Variants in RALYL observed in about 807,000 individuals in gnomAD.
RALYL encodes the protein RALY RNA binding protein like, also known as RNA-binding Raly-like protein.
In RALYL, 29 loss-of-function variants were observed where a neutral mutation model predicts 35.1. The ratio of observed to expected loss-of-function variants is 0.83; its 90% CI spans 0.61 to 1.13. The LOEUF is 1.13. Among genes scored for constraint, RALYL ranks in the 50% most tolerant of loss-of-function variants. RALYL has a pLI of 0.00. For missense variants in RALYL, 359 were observed against 360.4 expected (o/e 1.00, Z 0.03); for synonymous variants, 120 against 127.6 (o/e 0.94, Z 0.40).
intron 1 of RALYL, among the ~76,000 whole-genome samples, chr8:84,386,306 A>T (rs1859184006): frequency 6.6e-6 from 1 of 151,860 alleles, no homozygotes; most frequent in Non-Finnish European, 1.5e-5. Context: ...AGAAATAGAT[A>T]TTTTAAAATT....
At chr8:84,242,633 CTTTT>C (rs993732763) in intron 1 of RALYL, among the ~76,000 whole-genome samples, 2 of 152,180 alleles carry the variant, frequency 1.3e-5, no homozygotes, top group African/African-American at 4.8e-5. Flanking sequence ...TGAATGTCTT[CTTTT>C]GAGAAGTATC....
At chr8:84,733,662 G>A (rs897278756) in intron 2 of RALYL, among the ~76,000 whole-genome samples, 1 of 152,096 alleles carries the variant, frequency 6.6e-6, no homozygotes, top group African/African-American at 2.4e-5. Flanking sequence ...ATCCCTCCCT[G>A]TTCCTGCCAG....
intron 2 of RALYL, among the ~76,000 whole-genome samples, chr8:84,589,621 A>G (rs1243328938): frequency 2.0e-5 from 3 of 152,344 alleles, no homozygotes; most frequent in East Asian, 1.9e-4. Flanking sequence ...AATAGCTAAT[A>G]TTATACTTTA....
At chr8:84,906,876 T>A (rs1462206392) in intron 8 of RALYL, 1 of 815,800 alleles carries the variant, frequency 1.2e-6, no homozygotes, top group South Asian at 5.6e-5. Flanking sequence ...TGCTGCACTA[T>A]CAGCCTTGCC....
rs142533647 is a variant in RALYL at position 84,304,338 on chromosome 8, C to T, written c.-24+119914C>T. Among the ~76,000 whole-genome samples the T allele has an allele frequency of 7.8e-3, 1,185 of 152,102 alleles. 20 individuals are homozygous for T. The highest frequency in any genetic ancestry group is 0.027 in the African/African-American group (1,130 of 41,498). ...TTCACCGTGTTAGTCAGGGTGGTCT[C>T]GATCTCCTGACCTCGTGATCTGCCC... On this transcript the variant is annotated intron_variant, in intron 1 of 8. Coordinates refer to ENST00000521268, the MANE Select transcript of RALYL (RefSeq NM_173848.7).
At chr8:84,876,826 C>T (rs1157502323) in intron 7 of RALYL, among the ~76,000 whole-genome samples, 1 of 152,154 alleles carries the variant, frequency 6.6e-6, no homozygotes, top group African/African-American at 2.4e-5. Context: ...ATAAATTCAT[C>T]CTACCCATAT....
chr8:84,861,085 A>T (rs867488735), intron 5 of RALYL, among the ~76,000 whole-genome samples: 1 of 151,976 alleles, frequency 6.6e-6, no homozygotes, highest in African/African-American at 2.4e-5. Context: ...TTTTCTTCCC[A>T]TTCTAGTTTC....
At chr8:84,619,547 A>T (rs1178668964) in intron 2 of RALYL, among the ~76,000 whole-genome samples, 1 of 147,050 alleles carries the variant, frequency 6.8e-6, no homozygotes, top group African/African-American at 2.6e-5. Context: ...CTCTTTATCC[A>T]ATTTGCCAGT....
chr8:84,833,070 G>C lies in RALYL; in HGVS notation c.366-16910G>C, dbSNP rs113523750. Reference sequence around the variant, plus strand: ...TAAAGTTAGGCACCCTTCTTCTCTAGCTGTCTTCTCAAAGGCTCTTCTCTA... The same window carrying C: ...TAAAGTTAGGCACCCTTCTTCTCTACCTGTCTTCTCAAAGGCTCTTCTCTA... On this transcript the variant is annotated intron_variant, in intron 4 of 8. Coordinates refer to ENST00000521268, the MANE Select transcript of RALYL (RefSeq NM_173848.7). Among the ~76,000 whole-genome samples the C allele has an allele frequency of 2.7e-3, 408 of 152,130 alleles. 1 individual carries two copies. The highest frequency in any genetic ancestry group is 9.6e-3 in the African/African-American group (398 of 41,506).
Position 84,705,989 on chromosome 8 carries a change from T to C in RALYL, c.257-68590T>C, listed in dbSNP as rs185190919. ...CCGTCTCTTTGTCTCCGTGGTCAAA[T>C]CAATTACTTCTTAGAAAGTCTAATT... is the stretch of plus-strand genomic sequence containing the variant. On this transcript the variant is annotated intron_variant, in intron 2 of 8. Transcript: ENST00000521268. 119 of 1,534,680 alleles carry C rather than the reference T, an allele frequency of 7.8e-5. No homozygotes were observed. The Middle Eastern group carries it at 1.3e-3, about 17-fold the overall frequency.
chr8:84,787,852 C>T (rs910165493), intron 3 of RALYL, among the ~76,000 whole-genome samples: 2 of 152,112 alleles, frequency 1.3e-5, no homozygotes, highest in African/African-American at 4.8e-5. Flanking sequence ...ATCCTTTGCC[C>T]ACTTTTTGAT....
chr8:84,906,282 AT>A (rs5892933), intron 8 of RALYL, among the ~76,000 whole-genome samples: 45,819 of 151,816 alleles, frequency 0.3, 7,430 homozygotes, highest in East Asian at 0.61. Flanking sequence ...GACTTTAATG[AT>A]TTTTTTCTAG....
At chr8:84,874,186 C>T (rs1409408065) in intron 7 of RALYL, among the ~76,000 whole-genome samples, 1 of 152,100 alleles carries the variant, frequency 6.6e-6, no homozygotes, top group African/African-American at 2.4e-5. Context: ...AATCCCAGCC[C>T]TTCCTCTGAC....
At chr8:84,778,493 T>G (rs994923532) in intron 3 of RALYL, among the ~76,000 whole-genome samples, 7 of 152,222 alleles carry the variant, frequency 4.6e-5, no homozygotes, top group Non-Finnish European at 8.8e-5. Context: ...CTGAGAAGTA[T>G]GCATACACTT....
Position 84,824,755 on chromosome 8 carries a change from G to A in RALYL, c.365+19953G>A, listed in dbSNP as rs549167725. Among the ~76,000 whole-genome samples the A allele has an allele frequency of 2.0e-4, 31 of 152,198 alleles. No homozygotes were observed. In the South Asian group the frequency reaches 5.6e-3, roughly 27 times the overall value. ...TTTGACAAAGCCAACAAAAATAAGC[G>A]ATGGGGAATGGACTTCCTATTCAAT... On this transcript the variant is annotated intron_variant, in intron 4 of 8. Coordinates refer to ENST00000521268, the MANE Select transcript of RALYL (RefSeq NM_173848.7).
intron 2 of RALYL, among the ~76,000 whole-genome samples, chr8:84,732,683 T>TATATATATATATACACACACACAC: frequency 2.6e-4 from 35 of 133,246 alleles, no homozygotes; most frequent in Non-Finnish European, 2.5e-4. Context: ...TATATATATA[T>TATATATATATATACACACACACAC]ACACACACAC....
chr8:84,529,280 G>C lies in RALYL; in HGVS notation c.-23-19G>C, dbSNP rs371729593. 456 of 1,547,200 alleles carry C rather than the reference G, an allele frequency of 2.9e-4. 2 individuals carry two copies. Among genetic ancestry groups the C allele is most frequent in the Admixed American group, 1.3e-3 (65 of 50,692 alleles). On this transcript the variant is annotated intron_variant, in intron 1 of 8. Coordinates refer to ENST00000521268, the MANE Select transcript of RALYL (RefSeq NM_173848.7). ...TACCTTTTGATTATTTGTTTTGTTT[G>C]TTTGTTTGTTTGTTTAAGGATTAAA...
chr8:84,315,067 A>C (rs1843482888), intron 1 of RALYL, among the ~76,000 whole-genome samples: 1 of 152,214 alleles, frequency 6.6e-6, no homozygotes, highest in South Asian at 2.1e-4. Context: ...GTACATTCCT[A>C]TATGTACAAG....
intron 2 of RALYL, among the ~76,000 whole-genome samples, chr8:84,766,399 A>C (rs1191184784): frequency 1.3e-5 from 2 of 152,002 alleles, no homozygotes; most frequent in African/African-American, 4.8e-5. Flanking sequence ...CACGATACCT[A>C]ATAACATCTC....
Sources: gnomAD v4.1 joint callset for allele counts (sites outside exome capture counted in the v4.1 genomes callset) on GRCh38, gnomAD v4.1.1 for gene constraint, MANE v1.5 for transcripts, NCBI Gene and HGNC (gene_info 2026-07-23, HGNC 2026-07-21) for gene names.